The following FAM110B variants were observed in gnomAD, a reference collection of about 807,000 sequenced individuals.
FAM110B encodes protein FAM110B.
Under a neutral mutation model 20.4 loss-of-function variants are expected in FAM110B, and 6 were observed. That is an observed-to-expected ratio of 0.29 (90% CI 0.16 to 0.58). The LOEUF (loss-of-function observed/expected upper bound fraction) is 0.58. Among genes scored for constraint, FAM110B ranks in the 20% least tolerant of loss-of-function variants. The pLI, the probability that FAM110B is intolerant of heterozygous loss-of-function variation, is 0.90. For missense variants in FAM110B, 434 were observed against 498.2 expected, an observed-to-expected ratio of 0.87 and a Z score of 1.23; for synonymous variants, 226 against 214.1, an observed-to-expected ratio of 1.06 and a Z score of -0.49.
At chr8:58,111,099 G>A (rs550218935) in intron 3 of FAM110B, among the ~76,000 whole-genome samples, 44 of 152,276 alleles carry the variant, frequency 2.9e-4, no homozygotes, top group African/African-American at 1.0e-3. Flanking sequence ...TAATATGAAT[G>A]AATTAATCCT....
Position 58,147,104 on chromosome 8 carries a change from G to C in FAM110B, c.874G>C (p.Gly292Arg). 6.2e-7 allele frequency: 1 copy of C among 1,614,164 alleles called. No individual in the cohort carries two copies. Among genetic ancestry groups the C allele is most frequent in the East Asian group, 2.2e-5 (1 of 44,872 alleles). Residue 292 changes from glycine to arginine, a missense_variant, in exon 4 of 4, where the codon GGA (glycine) becomes CGA (arginine). By Grantham distance (125) the Gly-to-Arg change is moderately radical. Transcript: ENST00000519262. ...GLDPEELENLGMENFARANSD... is the reference protein window; with the variant it reads ...GLDPEELENLRMENFARANSD... ...GGACCCGGAAGAGCTGGAAAACCTG[G>C]GAATGGAAAACTTTGCAAGGGCTAA...
chr8:58,056,302 C>T (rs1051697626), intron 2 of FAM110B, among the ~76,000 whole-genome samples: 4 of 152,250 alleles, frequency 2.6e-5, no homozygotes, highest in East Asian at 1.9e-4. Flanking sequence ...TTTTATACTT[C>T]GTCAGGATGA....
At chr8:58,111,971 C>T (rs1434293499) in intron 3 of FAM110B, among the ~76,000 whole-genome samples, 3 of 152,130 alleles carry the variant, frequency 2.0e-5, no homozygotes, top group Non-Finnish European at 2.9e-5. Flanking sequence ...TAAAAAAAGA[C>T]AAAAGTTTTT....
chr8:58,125,735 T>C (rs1807483987), intron 3 of FAM110B, among the ~76,000 whole-genome samples: 1 of 152,210 alleles, frequency 6.6e-6, no homozygotes, highest in Non-Finnish European at 1.5e-5. Context: ...CAATTTACAT[T>C]GTAATTTTAA....
chr8:58,145,867 C>T (rs1803851233), intron 3 of FAM110B, 40 bp from the exon 4 acceptor site: 1 of 176,060 alleles, frequency 5.7e-6, no homozygotes, highest in Admixed American at 6.0e-5. Context: ...GTGATGTCAC[C>T]CGCCCCTCCT....
At chr8:58,054,911 TTTC>T (rs1805519253) in intron 2 of FAM110B, among the ~76,000 whole-genome samples, 1 of 135,128 alleles carries the variant, frequency 7.4e-6, no homozygotes, top group Non-Finnish European at 1.7e-5. Context: ...AGGTCCTATT[TTTC>T]TTCTTTTTTT....
At chr8:57,997,250 C>CA (rs1416810944) in intron 1 of FAM110B, among the ~76,000 whole-genome samples, 3 of 152,146 alleles carry the variant, frequency 2.0e-5, no homozygotes, top group Admixed American at 1.3e-4. Context: ...TGCTGCCCCC[C>CA]AAAACATACT....
rs142421104 is a variant in FAM110B at position 58,112,109 on chromosome 8, G to A, written c.-324-33798G>A. ...GGAGGCCAAGGTGGGCAGATCACCTGAGGTCGGGATTTGAGACTAGCCTGG... is the reference window on the plus strand; with the variant it reads ...GGAGGCCAAGGTGGGCAGATCACCTAAGGTCGGGATTTGAGACTAGCCTGG... On this transcript the variant is annotated intron_variant, in intron 3 of 3. Transcript: ENST00000519262. Among the ~76,000 whole-genome samples, 34 of 152,292 alleles carry A rather than the reference G, an allele frequency of 2.2e-4. 1 individual carries two copies. The East Asian group carries it at 6.4e-3, about 29-fold the overall frequency.
At chr8:58,133,896 A>C (rs192146289) in intron 3 of FAM110B, among the ~76,000 whole-genome samples, 1 of 152,356 alleles carries the variant, frequency 6.6e-6, no homozygotes, top group Non-Finnish European at 1.5e-5. Context: ...TGAACTTATT[A>C]GTCATTGCTG....
At chr8:58,030,026 T>G (rs1206118331) in intron 1 of FAM110B, among the ~76,000 whole-genome samples, 1 of 152,202 alleles carries the variant, frequency 6.6e-6, no homozygotes, top group East Asian at 1.9e-4. Flanking sequence ...GATATAATTT[T>G]TGGCCAAAAT....
At chr8:58,134,176 C>A (rs1252657429) in intron 3 of FAM110B, among the ~76,000 whole-genome samples, 1 of 152,214 alleles carries the variant, frequency 6.6e-6, no homozygotes. Context: ...GTTGTTCTAA[C>A]AACTGCTATA....
chr8:58,131,512 G>A (rs981668226), intron 3 of FAM110B, among the ~76,000 whole-genome samples: 1 of 152,108 alleles, frequency 6.6e-6, no homozygotes, highest in Non-Finnish European at 1.5e-5. Context: ...CCAAACTCAT[G>A]AAACAAGCCA....
chr8:58,069,844 A>C (rs1450022929), intron 2 of FAM110B, among the ~76,000 whole-genome samples: 1 of 152,218 alleles, frequency 6.6e-6, no homozygotes, highest in Non-Finnish European at 1.5e-5. Context: ...GATAAGCTTA[A>C]GTAAGCCGAT....
At chr8:58,081,743 GT>G (rs1351933322) in intron 3 of FAM110B, among the ~76,000 whole-genome samples, 1 of 151,944 alleles carries the variant, frequency 6.6e-6, no homozygotes, top group African/African-American at 2.4e-5. Flanking sequence ...AAGTCCAAGA[GT>G]TCCTTTAGTG....
intron 1 of FAM110B, among the ~76,000 whole-genome samples, chr8:58,006,883 C>G (rs1804414165): frequency 9.8e-6 from 1 of 102,372 alleles, no homozygotes; most frequent in Admixed American, 9.6e-5. Context: ...GCCTGAGCCA[C>G]TGGGCCTGGC....
chr8:58,014,679 T>G (rs1804603763), intron 1 of FAM110B, among the ~76,000 whole-genome samples: 1 of 152,220 alleles, frequency 6.6e-6, no homozygotes, highest in South Asian at 2.1e-4. Context: ...CACATACATG[T>G]ATGTTTTCCC....
chr8:58,004,480 C>G (rs990147453), intron 1 of FAM110B, among the ~76,000 whole-genome samples: 5 of 152,228 alleles, frequency 3.3e-5, no homozygotes, highest in Admixed American at 3.3e-4. Flanking sequence ...CACACTGGCT[C>G]ATACCTGTAA....
At chr8:57,997,091 G>A (rs1804200152) in intron 1 of FAM110B, among the ~76,000 whole-genome samples, 1 of 152,126 alleles carries the variant, frequency 6.6e-6, no homozygotes, top group Non-Finnish European at 1.5e-5. Flanking sequence ...CTAAGCGAAG[G>A]CATGGTATTA....
At chr8:58,144,658 G>C (rs146286009) in intron 3 of FAM110B, among the ~76,000 whole-genome samples, 1 of 152,172 alleles carries the variant, frequency 6.6e-6, no homozygotes, top group Admixed American at 6.5e-5. Flanking sequence ...TATTTATTTT[G>C]TAAATTAGTT....
Sources: allele counts gnomAD v4.1 joint callset (sites outside exome capture counted in the v4.1 genomes callset), GRCh38; gene constraint gnomAD v4.1.1; transcripts MANE v1.5; gene names NCBI Gene and HGNC (gene_info 2026-07-23, HGNC 2026-07-21).